The following DCP1A variants were observed in gnomAD, a reference collection of about 807,000 sequenced individuals.
The protein encoded by DCP1A is decapping mRNA 1A, also known as mRNA-decapping enzyme 1A.
Under a neutral mutation model 58.0 loss-of-function variants are expected in DCP1A, and 20 were observed. The observed-to-expected ratio is 0.34, with a 90% CI of 0.24 to 0.50. The LOEUF is 0.50. Among genes scored for constraint, DCP1A ranks in the 20% least tolerant of loss-of-function variants. DCP1A has a pLI of 0.98. For synonymous variants in DCP1A, 285 were observed against 275.1 expected (o/e 1.04, Z -0.36); for missense variants, 613 against 712.2 (o/e 0.86, Z 1.59).
At chr3:53,332,936 T>G (rs1469277271) in intron 3 of DCP1A, 3 of 152,148 alleles carry the variant, frequency 2.0e-5, no homozygotes, top group African/African-American at 7.2e-5. Flanking sequence ...CAGATTTCCC[T>G]ATTTTCCTCC....
rs1706937026 is a variant in DCP1A at position 53,292,535 on chromosome 3, T to C, written c.917A>G (p.His306Arg). Reference protein sequence around the residue: ...PASITQSNEKHAPTYTIPLSP... With the variant: ...PASITQSNEKRAPTYTIPLSP... ...CAACGGGATTGTGTAGGTTGGAGCATGCTTTTCATTGGACTGTGTGATGGA... is the reference window on the plus strand; with the variant it reads ...CAACGGGATTGTGTAGGTTGGAGCACGCTTTTCATTGGACTGTGTGATGGA... The change falls in exon 7 of 10, where the codon CAT becomes CGT. Residue 306 changes from histidine to arginine, a missense_variant. His to Arg is a conservative substitution (Grantham distance 29, BLOSUM62 0). Transcript: ENST00000610213. 1.2e-6 allele frequency: 2 copies of C among 1,613,960 alleles called. No homozygotes were observed. The highest frequency in any genetic ancestry group is 1.1e-5 in the South Asian group (1 of 91,082).
At chr3:53,290,729 C>T in intron 8 of DCP1A, 62 bp downstream of exon 8, 1 of 1,220,064 alleles carries the variant, frequency 8.2e-7, no homozygotes, top group Non-Finnish European at 1.1e-6. Context: ...TACTTTCTCA[C>T]TATGGCACCC....
chr3:53,297,541 A>G (rs1559683949), intron 6 of DCP1A, among the ~76,000 whole-genome samples: 1 of 151,986 alleles, frequency 6.6e-6, no homozygotes, highest in Non-Finnish European at 1.5e-5. Context: ...TTGTATTTTT[A>G]GTAGAGATGG....
chr3:53,301,197 T>A (rs1445677062), intron 6 of DCP1A, among the ~76,000 whole-genome samples: 1 of 152,164 alleles, frequency 6.6e-6, no homozygotes, highest in Non-Finnish European at 1.5e-5. Flanking sequence ...TATCTAAATA[T>A]CTAAAAACAT....
rs760091116 is a variant in DCP1A at position 53,300,423 on chromosome 3, C to T, written c.624+3754G>A. Among the ~76,000 whole-genome samples, 8 of 151,600 alleles carry T rather than the reference C, an allele frequency of 5.3e-5. No homozygotes were observed. The East Asian group carries it at 7.8e-4, about 15-fold the overall frequency. ...CACAATCTCAGCTTACTGCAACCTC[C>T]GCCTCCCGGGTTCAAGCGATTCTCC... On this transcript the variant is annotated intron_variant, in intron 6 of 9. Coordinates refer to ENST00000610213, the MANE Select transcript of DCP1A (RefSeq NM_018403.7).
At chr3:53,343,400 T>C (rs1369695116) in intron 2 of DCP1A, among the ~76,000 whole-genome samples, 4 of 152,198 alleles carry the variant, frequency 2.6e-5, no homozygotes, top group African/African-American at 9.7e-5. Context: ...ATCAGTACCA[T>C]ATAAGCCTCC....
chr3:53,301,739 T>C (rs1181641097), intron 6 of DCP1A, among the ~76,000 whole-genome samples: 1 of 152,158 alleles, frequency 6.6e-6, no homozygotes, highest in Non-Finnish European at 1.5e-5. Flanking sequence ...GTTAAACAAA[T>C]TTTAGTACTT....
chr3:53,332,757 C>A (rs987062129), intron 3 of DCP1A, among the ~76,000 whole-genome samples: 5 of 151,256 alleles, frequency 3.3e-5, no homozygotes, highest in Non-Finnish European at 7.4e-5. Context: ...CCCAGCCACT[C>A]GGGAGGCTAA....
rs376112114 is a variant in DCP1A at position 53,304,193 on chromosome 3, G to T, written c.608C>A (p.Ser203Tyr). 6.2e-7 allele frequency: 1 copy of T among 1,613,154 alleles called. No homozygotes were observed. The highest frequency in any genetic ancestry group is 1.1e-5 in the South Asian group (1 of 91,056). The part of the protein sequence containing the change: ...GSTETLEEMP[S>Y]GSQDKSAPSG... ...TGTACAAACCTTATCCTGTGACCCG[G>T]AGGGCATTTCTTCTAGAGTCTCGGT... Residue 203 changes from serine (S) to tyrosine (Y), a missense_variant, in exon 6 of 10, where the codon TCC (serine) becomes TAC (tyrosine). Coordinates refer to ENST00000610213, the MANE Select transcript of DCP1A (RefSeq NM_018403.7).
At chr3:53,319,524 TG>T in intron 3 of DCP1A, 51 bp from the exon 4 acceptor site, 1 of 1,129,438 alleles carries the variant, frequency 8.9e-7, no homozygotes, top group Non-Finnish European at 1.3e-6. Flanking sequence ...TTTCAACATT[TG>T]GGTGTATGTA....
intron 5 of DCP1A, among the ~76,000 whole-genome samples, chr3:53,311,807 T>C (rs1707651169): frequency 6.6e-6 from 1 of 152,178 alleles, no homozygotes; most frequent in Admixed American, 6.5e-5. Flanking sequence ...CGAGCTAACT[T>C]CTGCACTCCA....
intron 2 of DCP1A, among the ~76,000 whole-genome samples, 168 bp downstream of exon 2, chr3:53,344,734 C>T (rs1263018690): frequency 2.0e-5 from 3 of 152,074 alleles, no homozygotes; most frequent in South Asian, 2.1e-4. Flanking sequence ...CACAGAAAGG[C>T]TCAGAGAAAA....
intron 3 of DCP1A, among the ~76,000 whole-genome samples, chr3:53,332,519 T>C (rs2089024081): frequency 6.6e-6 from 1 of 152,226 alleles, no homozygotes; most frequent in Non-Finnish European, 1.5e-5. Context: ...TTGTTCTTTT[T>C]ATGGTTGTTG....
intron 5 of DCP1A, among the ~76,000 whole-genome samples, chr3:53,307,807 T>C (rs1553688254): frequency 6.6e-6 from 1 of 152,216 alleles, no homozygotes; most frequent in Non-Finnish European, 1.5e-5. Context: ...ATGCTGTACA[T>C]GAGGATTTTA....
chr3:53,322,984 C>T (rs1160660630), intron 3 of DCP1A, among the ~76,000 whole-genome samples: 1 of 151,970 alleles, frequency 6.6e-6, no homozygotes, highest in Non-Finnish European at 1.5e-5. Flanking sequence ...GTCACCACAC[C>T]CGGCTAACTT....
chr3:53,310,532 T>C (rs1707614478), intron 5 of DCP1A, among the ~76,000 whole-genome samples: 1 of 152,206 alleles, frequency 6.6e-6, no homozygotes, highest in Non-Finnish European at 1.5e-5. Context: ...TAGGTACCTA[T>C]GAGAACACTG....
At chr3:53,305,342 A>C (rs1252610823) in intron 5 of DCP1A, among the ~76,000 whole-genome samples, 1 of 73,630 alleles carries the variant, frequency 1.4e-5, no homozygotes, top group African/African-American at 3.9e-5. Flanking sequence ...TAAGTGGACA[A>C]AAATTTTTTT....
chr3:53,334,378 A>G lies in DCP1A; in HGVS notation c.304+7766T>C, dbSNP rs182811856. On this transcript the variant is annotated intron_variant, in intron 3 of 9. Coordinates refer to ENST00000610213, the MANE Select transcript of DCP1A (RefSeq NM_018403.7). Reference sequence around the variant, plus strand: ...AACTGGCAAGTTTAGTTCACTTAACATTTGTTCTAAATTGATTGATTTCTG... The same window carrying G: ...AACTGGCAAGTTTAGTTCACTTAACGTTTGTTCTAAATTGATTGATTTCTG... 2.1e-3 allele frequency among the ~76,000 whole-genome samples: 315 copies of G among 152,280 alleles called. 2 individuals are homozygous for G. Among genetic ancestry groups the G allele is most frequent in the African/African-American group, 7.3e-3 (305 of 41,566 alleles).
At position 53,347,438 on chromosome 3, in the gene DCP1A, G is replaced by A. The variant is rs782403975; in HGVS notation, c.80C>T (p.Ala27Val). 1.2e-6 allele frequency: 2 copies of A among 1,613,654 alleles called. No individual in the cohort carries two copies. The highest frequency in any genetic ancestry group is 2.2e-5 in the South Asian group (2 of 91,082). ...KQHDPYITSI[A>V]DLTGQVALYT... The stretch of plus-strand genomic sequence containing the variant: ...CAGAGCGACCTGGCCCGTGAGGTCT[G>A]CGATGCTGGTGATATAGGGGTCGTG... Residue 27 changes from alanine to valine, a missense_variant, in exon 1 of 10, where the codon GCA (alanine) becomes GTA (valine). This residue lies in a region of DCP1A where 50 missense variants were observed against 37.0 expected (regional missense o/e 1.35). Coordinates refer to ENST00000610213, the MANE Select transcript of DCP1A (RefSeq NM_018403.7).
Sources: allele counts gnomAD v4.1 joint callset (sites outside exome capture counted in the v4.1 genomes callset), GRCh38; gene constraint gnomAD v4.1.1; regional missense constraint gnomAD v4.1.1; transcripts MANE v1.5; gene names NCBI Gene and HGNC (gene_info 2026-07-23, HGNC 2026-07-21).